Variants in CUBN observed in about 807,000 individuals in gnomAD.
CUBN encodes 460 kDa receptor.
Under a neutral mutation model 405.3 loss-of-function variants are expected in CUBN, and 282 were observed. The observed-to-expected ratio is 0.70, with a 90% confidence interval of 0.63 to 0.77. The LOEUF (loss-of-function observed/expected upper bound fraction) is 0.77. Ranked by LOEUF, CUBN falls within the 30% of genes least tolerant of loss-of-function variation. The pLI, the probability that CUBN is intolerant of heterozygous loss-of-function variation, is 0.00. For synonymous variants in CUBN, 1,684 were observed against 1,617.0 expected, an observed-to-expected ratio of 1.04 and a Z score of -0.99; for missense variants, 4,514 against 4,475.2, an observed-to-expected ratio of 1.01 and a Z score of -0.25.
chr10:16,898,959 C>T (rs1303741311), intron 54 of CUBN, 37 bp downstream of exon 54: 2 of 1,501,374 alleles, frequency 1.3e-6, no homozygotes, highest in Admixed American at 1.7e-5. Flanking sequence ...GTTCACAAAA[C>T]CAACTTGGCT....
chr10:17,015,930 C>A (rs944215268), intron 28 of CUBN, among the ~76,000 whole-genome samples: 18 of 152,158 alleles, frequency 1.2e-4, no homozygotes, highest in Non-Finnish European at 1.5e-5. Flanking sequence ...AAGGCTGTGG[C>A]CTTTCTCTGA....
At chr10:17,087,466 C>CTTTTTATTTTTTTTTTTTTTT (rs879308596) in intron 15 of CUBN, among the ~76,000 whole-genome samples, 2 of 79,772 alleles carry the variant, frequency 2.5e-5, no homozygotes, top group Non-Finnish European at 4.6e-5. Flanking sequence ...TATTATTTTT[C>CTTTTTATTTTTTTTTTTTTTT]TTTTTCTTTT....
At chr10:17,011,703 A>C (rs1022015276) in intron 28 of CUBN, among the ~76,000 whole-genome samples, 12 of 151,884 alleles carry the variant, frequency 7.9e-5, no homozygotes, top group Non-Finnish European at 5.9e-5. Flanking sequence ...GGTCCATTTT[A>C]CAGAGCGCAG....
chr10:17,018,828 G>A (rs146764749), intron 28 of CUBN, among the ~76,000 whole-genome samples: 398 of 152,296 alleles, frequency 2.6e-3, no homozygotes, highest in Middle Eastern at 0.01. Context: ...GCGCTGATTG[G>A]TGGGTTTTTA....
intron 54 of CUBN, among the ~76,000 whole-genome samples, chr10:16,891,859 T>C (rs1289186321): frequency 6.6e-6 from 1 of 152,116 alleles, no homozygotes; most frequent in Non-Finnish European, 1.5e-5. Context: ...TAGTATCTAG[T>C]GGGTAGGGGC....
intron 55 of CUBN, 43 bp downstream of exon 55, chr10:16,890,328 A>C (rs945880337): frequency 8.1e-6 from 13 of 1,608,246 alleles, no homozygotes; most frequent in Non-Finnish European, 1.1e-5. Context: ...TGACAACCAC[A>C]CTCCCGCAAA....
Position 17,084,347 on chromosome 10 carries a change from T to C in CUBN, c.2225A>G (p.Gln742Arg), listed in dbSNP as rs1564508831. The part of the protein sequence containing the change: ...RQCVYMMKQP[Q>R]GEQIQINFTH... ...GAAGTTGATTTGTATTTGTTCTCCCTGGGGCTGCTTCATCATATAGACGCA... is the reference window on the plus strand; with the variant it reads ...GAAGTTGATTTGTATTTGTTCTCCCCGGGGCTGCTTCATCATATAGACGCA... Residue 742 changes from glutamine to arginine, a missense_variant, in exon 17 of 67, where the codon CAG (glutamine) becomes CGG (arginine). By Grantham distance (43) the Gln-to-Arg change is conservative. This residue lies in a region of CUBN where 1,448 missense variants were observed against 1,388.0 expected (regional missense o/e 1.04). Transcript: ENST00000377833. 6.2e-7 allele frequency: 1 copy of C among 1,614,170 alleles called. No individual in the cohort carries two copies. Among genetic ancestry groups the C allele is most frequent in the Non-Finnish European group, 8.5e-7 (1 of 1,180,034 alleles).
At chr10:17,067,686 A>C (rs1835640939) in intron 21 of CUBN, among the ~76,000 whole-genome samples, 2 of 152,190 alleles carry the variant, frequency 1.3e-5, no homozygotes, top group African/African-American at 4.8e-5. Context: ...AGTCAGAAAA[A>C]CATTCAGTAC....
At chr10:17,017,275 G>A (rs1300293768) in intron 28 of CUBN, among the ~76,000 whole-genome samples, 1 of 152,138 alleles carries the variant, frequency 6.6e-6, no homozygotes, top group Non-Finnish European at 1.5e-5. Flanking sequence ...AGACCACAAG[G>A]AGGACTGAGG....
At chr10:17,042,360 C>T (rs999171376) in intron 26 of CUBN, among the ~76,000 whole-genome samples, 2 of 152,152 alleles carry the variant, frequency 1.3e-5, no homozygotes, top group African/African-American at 4.8e-5. Flanking sequence ...AAATACATTC[C>T]AGTAAACCAC....
intron 2 of CUBN, among the ~76,000 whole-genome samples, chr10:17,128,907 T>C (rs1043180776): frequency 1.3e-5 from 2 of 152,232 alleles, no homozygotes; most frequent in African/African-American, 4.8e-5. Flanking sequence ...ACAATTCATA[T>C]GTTCTTAGCA....
At chr10:17,128,934 A>T (rs1837259699) in intron 2 of CUBN, among the ~76,000 whole-genome samples, 187 bp downstream of exon 2, 1 of 152,238 alleles carries the variant, frequency 6.6e-6, no homozygotes, top group African/African-American at 2.4e-5. Flanking sequence ...AAAGGTAAAT[A>T]TTTAAGGTGA....
At chr10:17,087,472 CTTTTT>C (rs775573918) in intron 15 of CUBN, among the ~76,000 whole-genome samples, 2 of 71,732 alleles carry the variant, frequency 2.8e-5, no homozygotes, top group South Asian at 6.8e-4. Flanking sequence ...TTTTCTTTTT[CTTTTT>C]TTTTTTTTTT....
intron 36 of CUBN, among the ~76,000 whole-genome samples, chr10:16,942,712 A>G (rs1842682308): frequency 6.6e-6 from 1 of 152,090 alleles, no homozygotes; most frequent in Non-Finnish European, 1.5e-5. Flanking sequence ...TGAACCAGCA[A>G]TTTCACTTCT....
intron 27 of CUBN, among the ~76,000 whole-genome samples, chr10:17,025,296 T>C (rs1339462754): frequency 1.3e-5 from 2 of 152,200 alleles, no homozygotes; most frequent in East Asian, 1.9e-4. Flanking sequence ...TAATAGAAGA[T>C]TATATTTCAA....
In CUBN at chr10:16,900,836, G is replaced by A. The variant is rs1218174678; in HGVS notation, c.8199C>T (p.Asp2733=). The A allele has an allele frequency of 1.2e-6, 2 of 1,612,884 alleles. No homozygotes were observed. The highest frequency in any genetic ancestry group is 8.5e-7 in the Non-Finnish European group (1 of 1,179,210). The change falls in exon 53 of 67, where the codon GAC becomes GAT. Residue 2733 remains aspartate (D), a synonymous_variant. Coordinates refer to ENST00000377833, the MANE Select transcript of CUBN (RefSeq NM_001081.4). ...AAGTTGTATGGGGTTCAATATCAAAGTCACTAAATGTGAGCTGCAGGAGAA... is the reference window on the plus strand; with the variant it reads ...AAGTTGTATGGGGTTCAATATCAAAATCACTAAATGTGAGCTGCAGGAGAA... ...QGHTITLTFS[D]FDIEPHTTCA...
At chr10:17,071,673 A>C in intron 18 of CUBN, 69 bp from the exon 19 acceptor site, 2 of 1,526,648 alleles carry the variant, frequency 1.3e-6, no homozygotes, top group Non-Finnish European at 1.8e-6. Flanking sequence ...TTATTGCAAA[A>C]TCTAATACTG....
intron 50 of CUBN, 41 bp downstream of exon 50, chr10:16,906,162 T>C (rs1220413543): frequency 1.4e-6 from 2 of 1,408,938 alleles, no homozygotes; most frequent in Non-Finnish European, 2.0e-6. Flanking sequence ...AAAAAGAATA[T>C]TGTAGATAAA....
At chr10:16,898,089 T>TATA (rs1841246249) in intron 54 of CUBN, among the ~76,000 whole-genome samples, 2 of 147,370 alleles carry the variant, frequency 1.4e-5, no homozygotes, top group African/African-American at 5.0e-5. Flanking sequence ...TATATATATG[T>TATA]TATACACATA....
Sources: allele counts gnomAD v4.1 joint callset (sites outside exome capture counted in the v4.1 genomes callset), GRCh38; gene constraint gnomAD v4.1.1; regional missense constraint gnomAD v4.1.1; transcripts MANE v1.5; gene names NCBI Gene and HGNC (gene_info 2026-07-23, HGNC 2026-07-21).